FHIT: variants seen among roughly 807,000 people sequenced by gnomAD.
FHIT encodes the protein fragile histidine triad diadenosine triphosphatase.
A neutral mutation model predicts 17.9 loss-of-function variants in FHIT; 19 were observed. That is an observed-to-expected ratio of 1.06 (90% CI 0.74 to 1.56). FHIT has a LOEUF of 1.56. Among genes scored for constraint, FHIT ranks in the 40% most tolerant of loss-of-function variants. The pLI is 0.00. For missense variants in FHIT, 248 were observed against 189.2 expected, an observed-to-expected ratio of 1.31 and a Z score of -1.82; for synonymous variants, 81 against 69.7, an observed-to-expected ratio of 1.16 and a Z score of -0.81.
intron 4 of FHIT, among the ~76,000 whole-genome samples, chr3:60,819,038 CT>C (rs1282544271): frequency 0.011 from 1,089 of 102,168 alleles, 7 homozygotes; most frequent in African/African-American, 0.029. Flanking sequence ...TTTTTCTTTT[CT>C]TTTTTTTTTT....
At chr3:60,156,615 A>G (rs1700708197) in intron 5 of FHIT, among the ~76,000 whole-genome samples, 1 of 151,428 alleles carries the variant, frequency 6.6e-6, no homozygotes, top group South Asian at 2.1e-4. Flanking sequence ...AGCCGGCCAT[A>G]ATGGTGAGCA....
chr3:59,956,002 C>A (rs1395006301), intron 7 of FHIT, among the ~76,000 whole-genome samples: 5 of 152,174 alleles, frequency 3.3e-5, no homozygotes, highest in Non-Finnish European at 7.3e-5. Flanking sequence ...AGGATGAAAC[C>A]TGAAATACTT....
At chr3:60,606,451 G>A (rs1372169733) in intron 4 of FHIT, among the ~76,000 whole-genome samples, 1 of 152,032 alleles carries the variant, frequency 6.6e-6, no homozygotes, top group Non-Finnish European at 1.5e-5. Context: ...ATGTTACCCA[G>A]GCTGGTCTCA....
rs184699621 is a variant in FHIT, at chr3:59,936,698, T to C, written c.280-14284A>G. Among the ~76,000 whole-genome samples the C allele has an allele frequency of 6.6e-5, 10 of 152,150 alleles. No individual in the cohort carries two copies. The East Asian group carries it at 1.9e-3, about 29-fold the overall frequency. On this transcript the variant is annotated intron_variant, in intron 7 of 9. Transcript: ENST00000492590. The stretch of plus-strand genomic sequence containing the variant: ...TATGATCAGTCCAAAGGGGAAAAAA[T>C]GTTAAGGGAATTAGCAACTTGTCCT...
chr3:59,781,354 G>A (rs1041381832), intron 8 of FHIT, among the ~76,000 whole-genome samples: 2 of 152,220 alleles, frequency 1.3e-5, no homozygotes, highest in African/African-American at 4.8e-5. Flanking sequence ...TGCACTGTGA[G>A]GTGAGTGCCT....
intron 2 of FHIT, among the ~76,000 whole-genome samples, chr3:61,105,174 T>C (rs7610331): frequency 0.04 from 6,141 of 152,230 alleles, 220 homozygotes; most frequent in African/African-American, 0.093. Flanking sequence ...ATTCTTGTGC[T>C]GATTCTCTCT....
At chr3:59,793,985 A>G (rs1225294894) in intron 8 of FHIT, among the ~76,000 whole-genome samples, 1 of 152,094 alleles carries the variant, frequency 6.6e-6, no homozygotes, top group Non-Finnish European at 1.5e-5. Flanking sequence ...GCATTTTTCC[A>G]TGGGACACGG....
chr3:59,997,902 T>TTCTA (rs1237918133), intron 7 of FHIT, among the ~76,000 whole-genome samples: 21 of 152,150 alleles, frequency 1.4e-4, no homozygotes, highest in African/African-American at 5.1e-4. Context: ...TTTTAAGCAT[T>TTCTA]TCTATTACGT....
intron 3 of FHIT, among the ~76,000 whole-genome samples, chr3:60,916,840 G>A (rs1707030513): frequency 6.6e-6 from 1 of 152,138 alleles, no homozygotes; most frequent in Non-Finnish European, 1.5e-5. Context: ...GTAGTCTGAT[G>A]AAGTTTGTAA....
intron 7 of FHIT, among the ~76,000 whole-genome samples, chr3:59,973,013 C>G (rs1052727173): frequency 6.6e-6 from 1 of 152,094 alleles, no homozygotes; most frequent in Non-Finnish European, 1.5e-5. Flanking sequence ...TGAATACCAA[C>G]TCTTCCATGA....
At chr3:60,122,604 A>G (rs1705311910) in intron 5 of FHIT, among the ~76,000 whole-genome samples, 1 of 152,286 alleles carries the variant, frequency 6.6e-6, no homozygotes, top group South Asian at 2.1e-4. Flanking sequence ...TCCTGAAAAC[A>G]TTCAATTCAG....
In FHIT at chr3:60,649,070, T is replaced by C. The variant is rs184269374; in HGVS notation, c.-17-112091A>G. 1.5e-3 allele frequency among the ~76,000 whole-genome samples: 225 copies of C among 152,308 alleles called. 1 individual carries two copies. In the Middle Eastern group the frequency reaches 0.017, roughly 12 times the overall value. On this transcript the variant is annotated intron_variant, in intron 4 of 9. Transcript: ENST00000492590. ...TTTTCATAAAATTCTCCTTGAGAAA[T>C]GGTTGAAGAACAGTGCAAAGATATA...
intron 3 of FHIT, among the ~76,000 whole-genome samples, chr3:60,830,018 C>T (rs1702276736): frequency 6.6e-6 from 1 of 152,122 alleles, no homozygotes. Context: ...CTTAAATCTG[C>T]ATAACAAACC....
chr3:60,925,469 A>T (rs183752468), intron 3 of FHIT, among the ~76,000 whole-genome samples: 1 of 152,212 alleles, frequency 6.6e-6, no homozygotes, highest in Non-Finnish European at 1.5e-5. Context: ...TAAGCTTCAT[A>T]AGTGAAGGAG....
At chr3:61,023,795 A>T (rs147456083) in intron 3 of FHIT, among the ~76,000 whole-genome samples, 5,079 of 152,112 alleles carry the variant, frequency 0.033, 124 homozygotes, top group Non-Finnish European at 0.049. Context: ...TGGCTAGCCA[A>T]ATGCAGAAAA....
intron 5 of FHIT, among the ~76,000 whole-genome samples, chr3:60,478,842 A>G (rs1023936514): frequency 6.6e-6 from 1 of 152,230 alleles, no homozygotes; most frequent in Non-Finnish European, 1.5e-5. Context: ...AAAATTCCCA[A>G]TGACACAGAG....
At chr3:60,647,454 A>G (rs1356403090) in intron 4 of FHIT, among the ~76,000 whole-genome samples, 2 of 152,162 alleles carry the variant, frequency 1.3e-5, no homozygotes, top group Non-Finnish European at 2.9e-5. Flanking sequence ...GGACCTGCCC[A>G]AGGCCTCCTA....
chr3:60,631,102 T>A (rs2039430065), intron 4 of FHIT, among the ~76,000 whole-genome samples: 2 of 152,068 alleles, frequency 1.3e-5, no homozygotes, highest in South Asian at 2.1e-4. Flanking sequence ...GGACAACAGA[T>A]AAAAGTCTCT....
At chr3:60,041,132 A>C (rs1018847643) in intron 5 of FHIT, among the ~76,000 whole-genome samples, 8 of 152,202 alleles carry the variant, frequency 5.3e-5, no homozygotes, top group Non-Finnish European at 8.8e-5. Flanking sequence ...ATATTTTTAC[A>C]TCTCCCACCT....
Sources: gnomAD v4.1 joint callset for allele counts (sites outside exome capture counted in the v4.1 genomes callset) on GRCh38, gnomAD v4.1.1 for gene constraint, MANE v1.5 for transcripts, NCBI Gene and HGNC (gene_info 2026-07-23, HGNC 2026-07-21) for gene names.